Variants in L3MBTL4 observed in about 807,000 individuals in gnomAD.
L3MBTL4 encodes the protein lethal(3)malignant brain tumor-like protein 4.
Under a neutral mutation model 84.5 loss-of-function variants are expected in L3MBTL4, and 70 were observed. The ratio of observed to expected loss-of-function variants is 0.83; its 90% CI spans 0.68 to 1.01. The LOEUF is 1.01. Ranked by LOEUF, L3MBTL4 falls within the 50% of genes least tolerant of loss-of-function variation. The pLI, the probability that L3MBTL4 is intolerant of heterozygous loss-of-function variation, is 0.00. For missense variants in L3MBTL4, 715 were observed against 754.8 expected, an observed-to-expected ratio of 0.95 and a Z score of 0.62; for synonymous variants, 274 against 259.8, an observed-to-expected ratio of 1.05 and a Z score of -0.52.
chr18:6,414,517 C>T lies in L3MBTL4; in HGVS notation c.-91+284G>A, dbSNP rs1163114580. ...CTGCCCTCGCGGCTGACCGAGGCGC[C>T]GGGCTCTGCGGCGGCCGCGCCCGTC... On this transcript the variant is annotated intron_variant, in intron 1 of 18. Coordinates refer to ENST00000317931, the MANE Select transcript of L3MBTL4 (RefSeq NM_001330559.2). This position sits in a 1 kb window ranked among gnomAD's most constrained non-coding sequence, Gnocchi z 5.4. 6.6e-6 allele frequency among the ~76,000 whole-genome samples: 1 copy of T among 151,986 alleles called. No individual in the cohort carries two copies. The highest frequency in any genetic ancestry group is 1.5e-5 in the Non-Finnish European group (1 of 67,968).
chr18:6,362,235 TGAAAG>T (rs1485737906), intron 1 of L3MBTL4, among the ~76,000 whole-genome samples: 15 of 107,612 alleles, frequency 1.4e-4, no homozygotes, highest in African/African-American at 3.8e-4. Flanking sequence ...GGGAGGGGAC[TGAAAG>T]GAAAGGAAAG....
intron 13 of L3MBTL4, among the ~76,000 whole-genome samples, chr18:6,152,695 A>C (rs776338195): frequency 1.3e-5 from 2 of 152,144 alleles, no homozygotes; most frequent in Non-Finnish European, 1.5e-5. Context: ...CCCATTCCAT[A>C]GGTTGTTTCT....
At chr18:6,057,734 A>G (rs2057075700) in intron 16 of L3MBTL4, among the ~76,000 whole-genome samples, 1 of 152,204 alleles carries the variant, frequency 6.6e-6, no homozygotes, top group Non-Finnish European at 1.5e-5. Flanking sequence ...ATAATAGAAG[A>G]AAGAGTTGTC....
intron 16 of L3MBTL4, among the ~76,000 whole-genome samples, chr18:6,057,231 G>A (rs1012884916): frequency 6.6e-6 from 1 of 152,044 alleles, no homozygotes; most frequent in Non-Finnish European, 1.5e-5. Context: ...TTTTTGCCAC[G>A]TTGGCCAGGC....
chr18:5,988,271 G>A (rs2053548172), intron 16 of L3MBTL4, among the ~76,000 whole-genome samples: 1 of 152,176 alleles, frequency 6.6e-6, no homozygotes. Context: ...AATTCCAACA[G>A]TCAAAACAAT....
intron 3 of L3MBTL4, among the ~76,000 whole-genome samples, chr18:6,308,762 T>C (rs1568469075): frequency 6.6e-6 from 1 of 152,196 alleles, no homozygotes; most frequent in Non-Finnish European, 1.5e-5. Context: ...TCTTTTTTTT[T>C]CTTATGTAGA....
At chr18:6,029,763 A>G (rs12962839) in intron 16 of L3MBTL4, 387,666 of 984,682 alleles carry the variant, frequency 0.39, 79,114 homozygotes, top group Non-Finnish European at 0.42. Flanking sequence ...CTGGAATGGA[A>G]AAAAGTTGTA....
At chr18:6,299,049 A>G (rs1025826554) in intron 4 of L3MBTL4, among the ~76,000 whole-genome samples, 9 of 152,234 alleles carry the variant, frequency 5.9e-5, no homozygotes, top group Admixed American at 4.6e-4. Context: ...ACGTAAAGGC[A>G]TATAGGTCTG....
intron 10 of L3MBTL4, among the ~76,000 whole-genome samples, chr18:6,235,989 A>T (rs982761462): frequency 2.0e-5 from 3 of 152,196 alleles, no homozygotes; most frequent in Non-Finnish European, 4.4e-5. Context: ...GGGAAGAGAA[A>T]CTTAATATTG....
chr18:5,980,842 G>T (rs1016373817), intron 16 of L3MBTL4, among the ~76,000 whole-genome samples: 4 of 152,132 alleles, frequency 2.6e-5, no homozygotes, highest in Non-Finnish European at 2.9e-5. Context: ...TCCTGGCTTT[G>T]CAGAGAAGCC....
intron 12 of L3MBTL4, among the ~76,000 whole-genome samples, chr18:6,198,360 T>G (rs2045500022): frequency 6.6e-6 from 1 of 152,216 alleles, no homozygotes; most frequent in Admixed American, 6.5e-5. Context: ...GAGAGAACAC[T>G]ACATCGAAAC....
rs2056081830 is a variant in L3MBTL4, at chr18:6,414,017, T to C, written c.-91+784A>G. 1 of 152,288 alleles carries C rather than the reference T, an allele frequency of 6.6e-6. No individual in the cohort carries two copies. Among genetic ancestry groups the C allele is most frequent in the Non-Finnish European group, 1.5e-5 (1 of 68,066 alleles). 9.4% of individuals were successfully genotyped at this position (152,288 alleles called of 1,614,324 possible). ...CCAATCCCGCAGGTAAGTGCGGCGCTGGCCCAGGTGTGCCCAGCTCGACTC... is the reference window on the plus strand; with the variant it reads ...CCAATCCCGCAGGTAAGTGCGGCGCCGGCCCAGGTGTGCCCAGCTCGACTC... On this transcript the variant is annotated intron_variant, in intron 1 of 18. Coordinates refer to ENST00000317931, the MANE Select transcript of L3MBTL4 (RefSeq NM_001330559.2). This position sits in a 1 kb window ranked among gnomAD's most constrained non-coding sequence, Gnocchi z 5.4.
chr18:6,343,991 C>A (rs1599715435), intron 1 of L3MBTL4, among the ~76,000 whole-genome samples: 2 of 112,026 alleles, frequency 1.8e-5, no homozygotes, highest in African/African-American at 4.0e-5. Flanking sequence ...CTTCAAGGAG[C>A]TAGAGGAAAA....
At chr18:6,326,656 C>T (rs1451859524) in intron 1 of L3MBTL4, 1 of 152,298 alleles carries the variant, frequency 6.6e-6, no homozygotes, top group East Asian at 1.9e-4. Flanking sequence ...GGAGGAAAGG[C>T]TGCTTCCCAC....
intron 10 of L3MBTL4, among the ~76,000 whole-genome samples, chr18:6,226,292 G>C (rs1258950080): frequency 1.3e-5 from 2 of 152,076 alleles, no homozygotes; most frequent in African/African-American, 4.8e-5. Flanking sequence ...TGTAATCCCA[G>C]CTACTCAGGA....
intron 1 of L3MBTL4, among the ~76,000 whole-genome samples, chr18:6,328,703 A>T (rs1265160034): frequency 6.6e-6 from 1 of 152,228 alleles, no homozygotes; most frequent in Non-Finnish European, 1.5e-5. Context: ...TTCAGCAAAT[A>T]AAAAACTAGT....
intron 16 of L3MBTL4, among the ~76,000 whole-genome samples, chr18:6,004,144 A>G (rs1349617013): frequency 6.6e-6 from 1 of 152,172 alleles, no homozygotes; most frequent in Non-Finnish European, 1.5e-5. Context: ...AGATTGACTA[A>G]GAAAAAAAAC....
intron 1 of L3MBTL4, among the ~76,000 whole-genome samples, chr18:6,345,231 A>AG (rs1192907289): frequency 0.034 from 4,783 of 138,740 alleles, 180 homozygotes; most frequent in African/African-American, 0.12. Flanking sequence ...AAAAAAAAAA[A>AG]AAAAAGAAAA....
intron 1 of L3MBTL4, among the ~76,000 whole-genome samples, chr18:6,411,620 C>T (rs2055967452): frequency 1.3e-5 from 2 of 152,182 alleles, no homozygotes; most frequent in African/African-American, 2.4e-5. Flanking sequence ...TCCTCCCCCT[C>T]AGACCACTTC....
Sources: allele counts gnomAD v4.1 joint callset (sites outside exome capture counted in the v4.1 genomes callset), GRCh38; gene constraint gnomAD v4.1.1; non-coding constraint Gnocchi (gnomAD v3.1); transcripts MANE v1.5; gene names NCBI Gene and HGNC (gene_info 2026-07-23, HGNC 2026-07-21).